B3GALT1: variants seen among roughly 807,000 people sequenced by gnomAD.
The protein encoded by B3GALT1 is UDP-Gal:betaGlcNAc beta 1,3-galactosyltransferase, polypeptide 1.
B3GALT1 carries 10 observed loss-of-function variants against 23.2 expected under a neutral mutation model. That is an observed-to-expected ratio of 0.43 (90% CI 0.27 to 0.73). The LOEUF is 0.73. Among genes scored for constraint, B3GALT1 ranks in the 30% least tolerant of loss-of-function variants. The pLI, the probability that B3GALT1 is intolerant of heterozygous loss-of-function variation, is 0.21. For missense variants in B3GALT1, 299 were observed against 405.4 expected (o/e 0.74, Z 2.25); for synonymous variants, 156 against 141.5 (o/e 1.10, Z -0.73).
intron 1 of B3GALT1, among the ~76,000 whole-genome samples, chr2:167,465,922 G>A (rs1312565991): frequency 6.6e-6 from 1 of 151,714 alleles, no homozygotes; most frequent in African/African-American, 2.4e-5. Flanking sequence ...ATCTCCAAGG[G>A]CCTTTCTCAC....
At chr2:167,377,911 A>T (rs1273857337) in intron 1 of B3GALT1, among the ~76,000 whole-genome samples, 1 of 152,056 alleles carries the variant, frequency 6.6e-6, no homozygotes, top group Non-Finnish European at 1.5e-5. Context: ...GTTGCTTTAT[A>T]GTGTTTGTGG....
At chr2:167,309,149 C>T (rs1696598053) in intron 1 of B3GALT1, among the ~76,000 whole-genome samples, 1 of 152,030 alleles carries the variant, frequency 6.6e-6, no homozygotes, top group Admixed American at 6.6e-5. Flanking sequence ...AAGGAAATCA[C>T]AGCAGAGACT....
At chr2:167,497,441 T>G (rs1282502114) in intron 2 of B3GALT1, among the ~76,000 whole-genome samples, 2 of 152,210 alleles carry the variant, frequency 1.3e-5, no homozygotes, top group Non-Finnish European at 2.9e-5. Flanking sequence ...TTTTAAATTT[T>G]AAATCAATCT....
At chr2:167,396,064 T>G (rs1698089878) in intron 1 of B3GALT1, among the ~76,000 whole-genome samples, 1 of 152,106 alleles carries the variant, frequency 6.6e-6, no homozygotes, top group Admixed American at 6.6e-5. Context: ...TAAATGAAGT[T>G]CAAGGGCTTC....
At chr2:167,389,041 T>C (rs924730086) in intron 1 of B3GALT1, among the ~76,000 whole-genome samples, 1 of 152,146 alleles carries the variant, frequency 6.6e-6, no homozygotes, top group Non-Finnish European at 1.5e-5. Flanking sequence ...GGGAGAGACA[T>C]TTCCAAGAAT....
chr2:167,296,579 A>C (rs564393624), intron 1 of B3GALT1, among the ~76,000 whole-genome samples: 53 of 152,308 alleles, frequency 3.5e-4, no homozygotes, highest in Non-Finnish European at 6.2e-4. Context: ...CAAATTGACT[A>C]ATCTATTCTG....
At chr2:167,804,876 G>A (rs1231604572) in intron 3 of B3GALT1, among the ~76,000 whole-genome samples, 1 of 152,184 alleles carries the variant, frequency 6.6e-6, no homozygotes, top group Non-Finnish European at 1.5e-5. Flanking sequence ...GGTATTTCTA[G>A]TTCAAGATCC....
intron 1 of B3GALT1, among the ~76,000 whole-genome samples, chr2:167,419,065 G>A (rs1698511168): frequency 6.6e-6 from 1 of 152,152 alleles, no homozygotes; most frequent in Admixed American, 6.5e-5. Context: ...AATATTATTA[G>A]GGAAGTGACT....
At chr2:167,666,059 T>G (rs1396736768) in intron 3 of B3GALT1, among the ~76,000 whole-genome samples, 1 of 152,188 alleles carries the variant, frequency 6.6e-6, no homozygotes, top group Non-Finnish European at 1.5e-5. Flanking sequence ...GATGTTAGGA[T>G]ATTTCCTGCT....
chr2:167,805,117 A>T (rs1164806310), intron 3 of B3GALT1, among the ~76,000 whole-genome samples: 2 of 152,152 alleles, frequency 1.3e-5, no homozygotes, highest in African/African-American at 4.8e-5. Context: ...TGGCTGCATA[A>T]ATGTCTTCTT....
chr2:167,642,475 T>G (rs137875351), intron 2 of B3GALT1, among the ~76,000 whole-genome samples: 1 of 152,318 alleles, frequency 6.6e-6, no homozygotes, highest in African/African-American at 2.4e-5. Flanking sequence ...CTACAATCTA[T>G]CAGAAGAAAA....
chr2:167,771,118 TG>T (rs1309717754), intron 3 of B3GALT1, among the ~76,000 whole-genome samples: 2 of 152,218 alleles, frequency 1.3e-5, no homozygotes, highest in Non-Finnish European at 2.9e-5. Context: ...TTCAGTTCTT[TG>T]GGCTGGGTTT....
chr2:167,458,810 G>T (rs1479764386), intron 1 of B3GALT1, among the ~76,000 whole-genome samples: 1 of 151,994 alleles, frequency 6.6e-6, no homozygotes, highest in East Asian at 1.9e-4. Context: ...TTTTTTTGTT[G>T]TTGTTGATTG....
chr2:167,562,187 C>A (rs1376756735), intron 2 of B3GALT1, among the ~76,000 whole-genome samples: 1 of 152,192 alleles, frequency 6.6e-6, no homozygotes, highest in Non-Finnish European at 1.5e-5. Context: ...AACATATAAA[C>A]AGAACCAAAG....
At chr2:167,495,283 TGAA>T (rs1699766325) in intron 2 of B3GALT1, among the ~76,000 whole-genome samples, 1 of 150,812 alleles carries the variant, frequency 6.6e-6, no homozygotes, top group Admixed American at 6.6e-5. Flanking sequence ...GAGAAGGTGA[TGAA>T]GAAGAGGTGC....
At chr2:167,708,895 C>G (rs950954210) in intron 3 of B3GALT1, among the ~76,000 whole-genome samples, 9 of 152,156 alleles carry the variant, frequency 5.9e-5, no homozygotes, top group African/African-American at 1.9e-4. Flanking sequence ...CCATCTCCCC[C>G]AGTAAGAAGG....
At chr2:167,762,882 A>T (rs1687917912) in intron 3 of B3GALT1, among the ~76,000 whole-genome samples, 1 of 152,202 alleles carries the variant, frequency 6.6e-6, no homozygotes, top group Admixed American at 6.5e-5. Context: ...TTCTGTAAAA[A>T]CTGATCTTTT....
Position 167,676,516 on chromosome 2 carries a change from TACACACACACACAC to T in B3GALT1, c.-352+29576_-352+29589del, listed in dbSNP as rs34764364. The stretch of plus-strand genomic sequence containing the variant: ...ACACATGCACACACGTGTATGTTTA[TACACACACACACAC>T]ACACACACACACACACACACACACA... On this transcript the variant is annotated intron_variant, in intron 3 of 4. Transcript: ENST00000392690. 2.7e-4 allele frequency among the ~76,000 whole-genome samples: 39 copies of T among 145,184 alleles called. 1 individual carries two copies. Among genetic ancestry groups the T allele is most frequent in the South Asian group, 1.1e-3 (5 of 4,422 alleles).
chr2:167,422,792 T>A (rs1698567824), intron 1 of B3GALT1, among the ~76,000 whole-genome samples: 1 of 152,152 alleles, frequency 6.6e-6, no homozygotes, highest in Admixed American at 6.5e-5. Flanking sequence ...ATTTTTTTCC[T>A]GAGCCTTATG....
Sources: gnomAD v4.1 joint callset for allele counts (sites outside exome capture counted in the v4.1 genomes callset) on GRCh38, gnomAD v4.1.1 for gene constraint, MANE v1.5 for transcripts, NCBI Gene and HGNC (gene_info 2026-07-23, HGNC 2026-07-21) for gene names.